The following SMARCA4 variants were observed in gnomAD, a reference collection of about 807,000 sequenced individuals.
SMARCA4 encodes SWI/SNF related BAF chromatin remodeling complex subunit ATPase 4.
In SMARCA4, 31 loss-of-function variants were observed where a neutral mutation model predicts 193.9. That is an observed-to-expected ratio of 0.16 (90% confidence interval 0.12 to 0.22). The LOEUF (loss-of-function observed/expected upper bound fraction) is 0.22. Ranked by LOEUF, SMARCA4 falls within the 10% of genes least tolerant of loss-of-function variation. The pLI, the probability that SMARCA4 is intolerant of heterozygous loss-of-function variation, is 1.00. For synonymous variants in SMARCA4, 942 were observed against 933.1 expected (o/e 1.01, Z -0.17); for missense variants, 1,148 against 2,296.0 (o/e 0.50, Z 10.22).
chr19:10,984,207 GCCCTGGCCCTTC>G lies in SMARCA4; in HGVS notation c.63_74del (p.Pro22_Gly25del). Reference sequence around the variant, plus strand: ...ACTCCTCGGCCAGGTCCTTCCCCGGGCCCTGGCCCTTCCCCTGGAGCCATGCTGGGCCCTAGC... The same window carrying G: ...ACTCCTCGGCCAGGTCCTTCCCCGGGCCCTGGAGCCATGCTGGGCCCTAGC... On this transcript the variant is annotated inframe_deletion, in exon 2 of 35. Coordinates refer to ENST00000344626, the MANE Select transcript of SMARCA4 (RefSeq NM_003072.5). This position sits in a 1 kb window ranked among gnomAD's most constrained non-coding sequence, Gnocchi z 4.3. The G allele has an allele frequency of 6.2e-7, 1 of 1,613,044 alleles. No individual in the cohort carries two copies. Among genetic ancestry groups the G allele is most frequent in the South Asian group, 1.1e-5 (1 of 91,064 alleles).
Position 11,027,984 on chromosome 19 carries a change from G to T in SMARCA4, c.3382+34G>T, listed in dbSNP as rs1458696419. 3 of 1,610,556 alleles carry T rather than the reference G, an allele frequency of 1.9e-6. No individual in the cohort carries two copies. In the South Asian group the frequency reaches 3.3e-5, roughly 18 times the overall value. On this transcript the variant is annotated intron_variant, in intron 24 of 34. Transcript: ENST00000344626. ...GAGCCAGTGAGGCGTTTCTTACAGG[G>T]TTTTGTTGTTGTGGCTGCCACAGAA...
chr19:10,972,600 G>A (rs535752399), intron 1 of SMARCA4, among the ~76,000 whole-genome samples: 2 of 152,248 alleles, frequency 1.3e-5, no homozygotes, highest in East Asian at 3.9e-4. Context: ...CCTCTGCTGT[G>A]GCGGTGGGGA....
Position 11,019,038 on chromosome 19 carries a change from C to G in SMARCA4, c.2505+15C>G, listed in dbSNP as rs2146362109. Reference sequence around the variant, plus strand: ...TGTCTTACAAGGTAGGTCACAGCCACTGAGGTTTCCTCTCTTGCTACGGAG... The same window carrying G: ...TGTCTTACAAGGTAGGTCACAGCCAGTGAGGTTTCCTCTCTTGCTACGGAG... On this transcript the variant is annotated intron_variant, in intron 17 of 34. Coordinates refer to ENST00000344626, the MANE Select transcript of SMARCA4 (RefSeq NM_003072.5). The surrounding 1 kb of genome is among the most constrained non-coding windows in gnomAD (Gnocchi z 6.1). 2 of 1,607,312 alleles carry G rather than the reference C, an allele frequency of 1.2e-6. No individual in the cohort carries two copies. The highest frequency in any genetic ancestry group is 4.5e-5 in the East Asian group (2 of 44,850).
intron 21 of SMARCA4, among the ~76,000 whole-genome samples, chr19:11,024,725 C>T (rs557287622): frequency 6.6e-6 from 1 of 152,264 alleles, no homozygotes; most frequent in South Asian, 2.1e-4. Flanking sequence ...CCCCCCTTCT[C>T]TGTTATTAAG....
chr19:10,970,844 T>C (rs1389145946), intron 1 of SMARCA4, among the ~76,000 whole-genome samples: 3 of 152,220 alleles, frequency 2.0e-5, no homozygotes, highest in African/African-American at 7.2e-5. Flanking sequence ...TATGAGAGTA[T>C]AGTAGAAGAA....
intron 29 of SMARCA4, among the ~76,000 whole-genome samples, chr19:11,036,804 G>A (rs2075296107): frequency 6.6e-6 from 1 of 152,102 alleles, no homozygotes. Flanking sequence ...GTAATTCATG[G>A]ATTCTCCCCA....
Position 11,059,791 on chromosome 19 carries a change from C to T in SMARCA4, c.4674C>T (p.Thr1558=), listed in dbSNP as rs2147113868. ...CCATCGTCTTGCAGTCGGTCTTCAC[C>T]AGCGTGCGGCAGAAAATCGAGAAGG... ...EDSIVLQSVF[T]SVRQKIEKED... The change falls in exon 33 of 35, where the codon ACC becomes ACT. Residue 1558 remains threonine (T), a synonymous_variant. Transcript: ENST00000344626. The T allele has an allele frequency of 6.2e-7, 1 of 1,604,824 alleles. No individual in the cohort carries two copies. The highest frequency in any genetic ancestry group is 8.5e-7 in the Non-Finnish European group (1 of 1,175,746).
At position 11,062,091 on chromosome 19, in the gene SMARCA4, C is replaced by T; in HGVS notation, c.*275C>T. 1 of 537,156 alleles carries T rather than the reference C, an allele frequency of 1.9e-6. No homozygotes were observed. The highest frequency in any genetic ancestry group is 3.1e-5 in the East Asian group (1 of 31,918). 33.3% of individuals were successfully genotyped at this position (537,156 alleles called of 1,614,324 possible). A position where few individuals can be genotyped will look rare whatever the true frequency, so the allele number is the denominator to read the frequency against. ...AACACACGATACCTGTTTTTCTTTTCCGTTGCTGGCAGTACTGTTGCGCCG... is the reference window on the plus strand; with the variant it reads ...AACACACGATACCTGTTTTTCTTTTTCGTTGCTGGCAGTACTGTTGCGCCG... On this transcript the variant is annotated 3_prime_UTR_variant, in exon 35 of 35. Transcript: ENST00000344626.
intron 30 of SMARCA4, among the ~76,000 whole-genome samples, chr19:11,050,006 G>A (rs1353620616): frequency 6.6e-6 from 1 of 152,198 alleles, no homozygotes; most frequent in Non-Finnish European, 1.5e-5. Context: ...GGAGGCTGAG[G>A]CAGGAGAATC....
At chr19:11,022,037 G>C in intron 19 of SMARCA4, 70 bp downstream of exon 19, 1 of 1,604,184 alleles carries the variant, frequency 6.2e-7, no homozygotes, top group Non-Finnish European at 8.5e-7. Context: ...GGAACGTGTT[G>C]AGCACCAGCT....
intron 1 of SMARCA4, among the ~76,000 whole-genome samples, chr19:10,972,446 A>G (rs1407396089): frequency 6.7e-6 from 1 of 149,660 alleles, no homozygotes; most frequent in Non-Finnish European, 1.5e-5. Flanking sequence ...TCTATGTGAC[A>G]TTGTGTCATG....
At chr19:11,011,528 A>G (rs1423131420) in intron 15 of SMARCA4, among the ~76,000 whole-genome samples, 2 of 152,078 alleles carry the variant, frequency 1.3e-5, no homozygotes, top group African/African-American at 2.4e-5. Flanking sequence ...CCCAGCCCCA[A>G]CTTTCTTTAA....
chr19:10,982,109 C>T (rs576314954), intron 1 of SMARCA4, among the ~76,000 whole-genome samples: 6 of 152,160 alleles, frequency 3.9e-5, no homozygotes, highest in Admixed American at 2.6e-4. Flanking sequence ...GAGGCCAAGG[C>T]GGGTGGATCA....
chr19:11,048,842 T>C (rs1310865696), intron 30 of SMARCA4, among the ~76,000 whole-genome samples: 3 of 152,238 alleles, frequency 2.0e-5, no homozygotes, highest in Non-Finnish European at 4.4e-5. Context: ...ATCATACGTG[T>C]ACAGTTGTCT....
At chr19:11,024,981 A>ACCCCCCCCCCCCCCCCCCC (rs1377141856) in intron 21 of SMARCA4, among the ~76,000 whole-genome samples, 1 of 123,002 alleles carries the variant, frequency 8.1e-6, no homozygotes, top group African/African-American at 3.1e-5. Flanking sequence ...CAGAGCATGC[A>ACCCCCCCCCCCCCCCCCCC]CCCCCCGCCC....
At chr19:11,003,957 C>T (rs1954828313) in intron 13 of SMARCA4, among the ~76,000 whole-genome samples, 1 of 151,942 alleles carries the variant, frequency 6.6e-6, no homozygotes, top group African/African-American at 2.4e-5. Context: ...AGTGATCCAC[C>T]TGCCTCAGCC....
chr19:11,052,623 A>G (rs1158851750), intron 30 of SMARCA4, among the ~76,000 whole-genome samples: 1 of 152,128 alleles, frequency 6.6e-6, no homozygotes, highest in East Asian at 1.9e-4. Context: ...TTCAGAAAGG[A>G]CTTGAGGCAT....
intron 29 of SMARCA4, among the ~76,000 whole-genome samples, chr19:11,035,390 T>C (rs78038266): frequency 0.022 from 3,321 of 152,364 alleles, 54 homozygotes; most frequent in Middle Eastern, 0.075. Flanking sequence ...GGTTGGTCTT[T>C]CAAGTAAAAG....
At chr19:11,020,211 C>T (rs1460108770) in intron 18 of SMARCA4, among the ~76,000 whole-genome samples, 1 of 152,180 alleles carries the variant, frequency 6.6e-6, no homozygotes, top group Non-Finnish European at 1.5e-5. Flanking sequence ...TCCTACTGTC[C>T]TGGAAGCCTC....
Sources: gnomAD v4.1 joint callset for allele counts (sites outside exome capture counted in the v4.1 genomes callset) on GRCh38, gnomAD v4.1.1 for gene constraint, Gnocchi (gnomAD v3.1) non-coding constraint, MANE v1.5 for transcripts, NCBI Gene and HGNC (gene_info 2026-07-23, HGNC 2026-07-21) for gene names.